Variants in PHACTR3 observed in about 807,000 individuals in gnomAD.
PHACTR3 encodes the protein protein phosphatase 1, regulatory subunit 123.
Under a neutral mutation model 66.8 loss-of-function variants are expected in PHACTR3, and 16 were observed. The observed-to-expected ratio is 0.24, with a 90% confidence interval of 0.16 to 0.36. PHACTR3 has a LOEUF of 0.36. Ranked by LOEUF, PHACTR3 falls within the 10% of genes least tolerant of loss-of-function variation. The pLI is 1.00. For missense variants in PHACTR3, 647 were observed against 719.9 expected, an observed-to-expected ratio of 0.90 and a Z score of 1.16; for synonymous variants, 323 against 292.1, an observed-to-expected ratio of 1.11 and a Z score of -1.08.
At position 59,829,610 on chromosome 20, in the gene PHACTR3, G is replaced by A. The variant is rs983569799; in HGVS notation, c.1329-6895G>A. The stretch of plus-strand genomic sequence containing the variant: ...GAATGGTGTGTGGAGACGCTGCCTC[G>A]CTGGGGAATCCCATCTCCAGGCGGG... On this transcript the variant is annotated intron_variant, in intron 8 of 12. Coordinates refer to ENST00000371015, the MANE Select transcript of PHACTR3 (RefSeq NM_080672.5). The surrounding 1 kb of genome is among the most constrained non-coding windows in gnomAD (Gnocchi z 4.2). Among the ~76,000 whole-genome samples the A allele has an allele frequency of 6.6e-5, 10 of 152,210 alleles. No homozygotes were observed. Among genetic ancestry groups the A allele is most frequent in the South Asian group, 6.2e-4 (3 of 4,820 alleles).
intron 1 of PHACTR3, among the ~76,000 whole-genome samples, chr20:59,616,670 AG>A (rs1035267625): frequency 1.3e-5 from 2 of 152,216 alleles, no homozygotes; most frequent in African/African-American, 4.8e-5. Context: ...GCTGACCACC[AG>A]CCCCTGGGTT....
At position 59,709,102 on chromosome 20, in the gene PHACTR3, C is replaced by G. The variant is rs2037821181; in HGVS notation, c.119-34005C>G. Among the ~76,000 whole-genome samples the G allele has an allele frequency of 2.0e-5, 3 of 152,164 alleles. No homozygotes were observed. In the South Asian group the frequency reaches 6.2e-4, roughly 32 times the overall value. ...ATAGAGTATGAGCAGGTGTCTCAGCCTAGAAAAATGGAGACCCAGGGATTA... is the reference window on the plus strand; with the variant it reads ...ATAGAGTATGAGCAGGTGTCTCAGCGTAGAAAAATGGAGACCCAGGGATTA... On this transcript the variant is annotated intron_variant, in intron 1 of 12. Transcript: ENST00000371015.
intron 1 of PHACTR3, among the ~76,000 whole-genome samples, chr20:59,724,824 T>A (rs1039093239): frequency 2.2e-4 from 34 of 152,338 alleles, no homozygotes; most frequent in African/African-American, 7.7e-4. Flanking sequence ...ATTCACTAAT[T>A]GATGTCTGTG....
intron 1 of PHACTR3, among the ~76,000 whole-genome samples, chr20:59,583,530 G>C (rs1257276079): frequency 6.6e-6 from 1 of 152,224 alleles, no homozygotes; most frequent in Non-Finnish European, 1.5e-5. Context: ...GCTTTCCCAG[G>C]GCCGGCCCCA....
At chr20:59,630,302 C>A (rs2034616972) in intron 1 of PHACTR3, among the ~76,000 whole-genome samples, 2 of 152,118 alleles carry the variant, frequency 1.3e-5, no homozygotes, top group Admixed American at 6.5e-5. Flanking sequence ...CCTGCCTCAG[C>A]CTCCCGAGTA....
chr20:59,806,789 C>T (rs979202333), intron 8 of PHACTR3, among the ~76,000 whole-genome samples: 3 of 152,218 alleles, frequency 2.0e-5, no homozygotes, highest in Non-Finnish European at 2.9e-5. Context: ...CCAGAGGGCG[C>T]GGTCTGCAGC....
At position 59,786,462 on chromosome 20, in the gene PHACTR3, G is replaced by A. The variant is rs547367528; in HGVS notation, c.1174+11972G>A. ...GCTCCTCTCTCTTTAAGATGAGCAG[G>A]TCCATCCACAGCAGCCCAGGGAGCA... is the stretch of plus-strand genomic sequence containing the variant. On this transcript the variant is annotated intron_variant, in intron 7 of 12. Coordinates refer to ENST00000371015, the MANE Select transcript of PHACTR3 (RefSeq NM_080672.5). Among the ~76,000 whole-genome samples, 9 of 152,332 alleles carry A rather than the reference G, an allele frequency of 5.9e-5. No homozygotes were observed. In the South Asian group the frequency reaches 1.9e-3, roughly 32 times the overall value.
At chr20:59,685,182 G>A (rs1439991138) in intron 1 of PHACTR3, among the ~76,000 whole-genome samples, 1 of 152,190 alleles carries the variant, frequency 6.6e-6, no homozygotes, top group Non-Finnish European at 1.5e-5. Context: ...CTGCCCTGCA[G>A]TGCTGTGGCC....
chr20:59,713,776 T>G (rs905801024), intron 1 of PHACTR3, among the ~76,000 whole-genome samples: 16 of 152,048 alleles, frequency 1.1e-4, no homozygotes, highest in East Asian at 1.9e-4. Context: ...TGGTAAAGAA[T>G]TGCTGGGTCA....
chr20:59,769,119 G>A (rs2040282317), intron 5 of PHACTR3, among the ~76,000 whole-genome samples: 1 of 152,208 alleles, frequency 6.6e-6, no homozygotes, highest in Non-Finnish European at 1.5e-5. Flanking sequence ...GCATGCTTGG[G>A]ACCACAGCTC....
chr20:59,791,910 G>T (rs1007816806), intron 7 of PHACTR3, among the ~76,000 whole-genome samples: 7 of 152,056 alleles, frequency 4.6e-5, no homozygotes, highest in Non-Finnish European at 8.8e-5. Context: ...TCCCATTGGG[G>T]CTGTTTTATG....
intron 8 of PHACTR3, among the ~76,000 whole-genome samples, chr20:59,812,976 A>G (rs1172806111): frequency 6.6e-6 from 1 of 152,180 alleles, no homozygotes; most frequent in Non-Finnish European, 1.5e-5. Flanking sequence ...CCAGCCACTG[A>G]GCCTTGCTGC....
chr20:59,772,987 G>A (rs1227292661), intron 5 of PHACTR3, among the ~76,000 whole-genome samples: 1 of 152,170 alleles, frequency 6.6e-6, no homozygotes, highest in Non-Finnish European at 1.5e-5. Flanking sequence ...CAGAGAAGCA[G>A]GAAGGAGGCT....
chr20:59,642,296 C>A (rs1331157211), intron 1 of PHACTR3, among the ~76,000 whole-genome samples: 2 of 146,448 alleles, frequency 1.4e-5, no homozygotes, highest in Admixed American at 1.4e-4. Flanking sequence ...GGTATCTGTT[C>A]ACTTTTATTT....
intron 2 of PHACTR3, among the ~76,000 whole-genome samples, chr20:59,746,253 T>A (rs992898746): frequency 3.3e-5 from 5 of 152,172 alleles, no homozygotes; most frequent in African/African-American, 1.2e-4. Context: ...AGGTCAAGGA[T>A]GGGATGGGTT....
chr20:59,825,862 G>A (rs2042176356), intron 8 of PHACTR3, among the ~76,000 whole-genome samples: 2 of 152,152 alleles, frequency 1.3e-5, no homozygotes, highest in South Asian at 4.1e-4. Context: ...TGGGGCCTTT[G>A]GGAGGTGATT....
rs553375835 is a variant in PHACTR3, at chr20:59,592,198, C to T, written c.109+14581C>T. Among the ~76,000 whole-genome samples, 9 of 152,288 alleles carry T rather than the reference C, an allele frequency of 5.9e-5. No homozygotes were observed. In the East Asian group the frequency reaches 9.7e-4, roughly 16 times the overall value. Reference sequence around the variant, plus strand: ...GGGCCTTTGTGTGTGCTGTTTCCCACGCCTGGCATGCTCTTTCCTTAGAGA... The same window carrying T: ...GGGCCTTTGTGTGTGCTGTTTCCCATGCCTGGCATGCTCTTTCCTTAGAGA... On this transcript the variant is annotated intron_variant, in intron 1 of 12. Transcript: ENST00000359926.
chr20:59,771,222 T>C (rs532831074), intron 5 of PHACTR3, among the ~76,000 whole-genome samples: 3 of 152,152 alleles, frequency 2.0e-5, no homozygotes, highest in African/African-American at 7.2e-5. Context: ...AGTGATTCCT[T>C]CCTCATGGGG....
At chr20:59,616,498 A>G (rs2034029806) in intron 1 of PHACTR3, among the ~76,000 whole-genome samples, 1 of 152,196 alleles carries the variant, frequency 6.6e-6, no homozygotes, top group South Asian at 2.1e-4. Context: ...CTGGTTCAGG[A>G]GACTGCTGGC....
Sources: gnomAD v4.1 joint callset for allele counts (sites outside exome capture counted in the v4.1 genomes callset) on GRCh38, gnomAD v4.1.1 for gene constraint, Gnocchi (gnomAD v3.1) non-coding constraint, MANE v1.5 for transcripts, NCBI Gene and HGNC (gene_info 2026-07-23, HGNC 2026-07-21) for gene names.